The following WDR12 variants were observed in gnomAD, a reference collection of about 807,000 sequenced individuals.
WDR12 encodes ribosome biogenesis protein WDR12.
Under a neutral mutation model 64.3 loss-of-function variants are expected in WDR12, and 42 were observed. The observed-to-expected ratio is 0.65, with a 90% CI of 0.51 to 0.84. The LOEUF (loss-of-function observed/expected upper bound fraction) is 0.84. WDR12 is among the 40% of genes least tolerant of loss of function. The pLI, the probability that WDR12 is intolerant of heterozygous loss-of-function variation, is 0.00. For missense variants in WDR12, 469 were observed against 494.6 expected, an observed-to-expected ratio of 0.95 and a Z score of 0.49; for synonymous variants, 158 against 173.3, an observed-to-expected ratio of 0.91 and a Z score of 0.70.
chr2:202,882,398 A>G (rs879489439), intron 12 of WDR12, among the ~76,000 whole-genome samples: 16 of 151,892 alleles, frequency 1.1e-4, no homozygotes, highest in Admixed American at 5.3e-4. Flanking sequence ...GCTCGATCTC[A>G]GCTCACTGCA....
chr2:202,897,916 T>A (rs1688280404), intron 4 of WDR12, among the ~76,000 whole-genome samples: 4 of 123,012 alleles, frequency 3.3e-5, no homozygotes, highest in African/African-American at 8.3e-5. Flanking sequence ...AAAATATATA[T>A]ATATATATAA....
rs1028167254 is a variant in WDR12, at chr2:202,878,351, G to C, written c.*2509C>G. The C allele has an allele frequency of 6.6e-6, 1 of 152,116 alleles. No homozygotes were observed. The highest frequency in any genetic ancestry group is 1.5e-5 in the Non-Finnish European group (1 of 68,026). 9.4% of individuals were successfully genotyped at this position (152,116 alleles called of 1,614,324 possible). A position where few individuals can be genotyped will look rare whatever the true frequency, so the allele number is the denominator to read the frequency against. ...ATCATTTGAAGACCATCCAAAACAG[G>C]ACTAGGAATTCATCTTTGTCCTCTC... On this transcript the variant is annotated 3_prime_UTR_variant, in exon 13 of 13. Transcript: ENST00000261015.
rs961505991 is a variant in WDR12 at position 202,911,622 on chromosome 2, T to C, written c.-146A>G. 38 of 743,608 alleles carry C rather than the reference T, an allele frequency of 5.1e-5. No individual in the cohort carries two copies. The African/African-American group carries it at 5.7e-4, about 11-fold the overall frequency. 46.1% of individuals were successfully genotyped at this position (743,608 alleles called of 1,614,324 possible). ...GGAACTGCAGTCTAAGCCTGGACTC[T>C]GCCTTCTGCCCTCCGGTCTCCTCTG... On this transcript the variant is annotated 5_prime_UTR_variant, in exon 1 of 13. Coordinates refer to ENST00000261015, the MANE Select transcript of WDR12 (RefSeq NM_018256.4).
chr2:202,897,816 G>A (rs1351951447), intron 4 of WDR12, among the ~76,000 whole-genome samples: 2 of 144,282 alleles, frequency 1.4e-5, no homozygotes, highest in Admixed American at 7.2e-5. Context: ...GTGAACCCAG[G>A]AGGCAGAGCT....
rs952015305 is a variant in WDR12, at chr2:202,879,470, G to A, written c.*1390C>T. ...GAGTCTGGCTCTGCTGCCCAGGCTG[G>A]AGCACAGTGGTATGATCTCAGCTCA... is the stretch of plus-strand genomic sequence containing the variant. On this transcript the variant is annotated 3_prime_UTR_variant, in exon 13 of 13. Coordinates refer to ENST00000261015, the MANE Select transcript of WDR12 (RefSeq NM_018256.4). 2.0e-5 allele frequency: 3 copies of A among 151,886 alleles called. No homozygotes were observed. Among genetic ancestry groups the A allele is most frequent in the African/African-American group, 4.8e-5 (2 of 41,340 alleles). 9.4% of individuals were successfully genotyped at this position (151,886 alleles called of 1,614,324 possible). A position where few individuals can be genotyped will look rare whatever the true frequency, so the allele number is the denominator to read the frequency against.
intron 8 of WDR12, among the ~76,000 whole-genome samples, chr2:202,887,327 T>A (rs1688065511): frequency 6.6e-6 from 1 of 152,038 alleles, no homozygotes; most frequent in South Asian, 2.1e-4. Context: ...TGGCCCACAG[T>A]TGTTTTAATA....
Position 202,903,737 on chromosome 2 carries a change from G to T in WDR12, c.137-2618C>A, listed in dbSNP as rs72936826. Among the ~76,000 whole-genome samples, 1,056 of 152,138 alleles carry T rather than the reference G, an allele frequency of 6.9e-3. 4 individuals carry two copies. Among genetic ancestry groups the T allele is most frequent in the Middle Eastern group, 0.048 (14 of 294 alleles). Reference sequence around the variant, plus strand: ...TGCTAACAGCGAACAATCAGAAAAAGAAATCAAGAAAGTATTTCTACTTAC... The same window carrying T: ...TGCTAACAGCGAACAATCAGAAAAATAAATCAAGAAAGTATTTCTACTTAC... On this transcript the variant is annotated intron_variant, in intron 2 of 12. Coordinates refer to ENST00000261015, the MANE Select transcript of WDR12 (RefSeq NM_018256.4).
chr2:202,883,362 C>G (rs1687988943), intron 11 of WDR12: 1 of 373,848 alleles, frequency 2.7e-6, no homozygotes, highest in Non-Finnish European at 4.9e-6. Flanking sequence ...TCCTGAACAC[C>G]CAGCCTCAGG....
intron 8 of WDR12, among the ~76,000 whole-genome samples, chr2:202,888,106 G>A (rs528586847): frequency 1.3e-5 from 2 of 152,222 alleles, no homozygotes; most frequent in African/African-American, 4.8e-5. Context: ...AACCAACTGT[G>A]GCATATCCAT....
At position 202,884,264 on chromosome 2, in the gene WDR12, G is replaced by A; in HGVS notation, c.922C>T (p.Leu308Phe). 1.1e-5 allele frequency: 18 copies of A among 1,614,008 alleles called. No individual in the cohort carries two copies. The highest frequency in any genetic ancestry group is 1.5e-5 in the Non-Finnish European group (18 of 1,180,038). The change falls in exon 10 of 13, where the codon CTT becomes TTT. Residue 308 changes from leucine to phenylalanine, a missense_variant. Transcript: ENST00000261015. ...CTTCCAGATGCTAAACGTTTACAAA[G>A]TGGAGAATAGGAAATACAATTAAAC... ...KVFNCISYSP[L>F]CKRLASGSTD...
chr2:202,902,396 G>C (rs1317700883), intron 2 of WDR12, among the ~76,000 whole-genome samples: 1 of 152,174 alleles, frequency 6.6e-6, no homozygotes, highest in Non-Finnish European at 1.5e-5. Context: ...TTGTTCCTGG[G>C]TGTGTCTGTG....
intron 6 of WDR12, chr2:202,895,863 A>C (rs911245655): frequency 1.9e-6 from 1 of 527,826 alleles, no homozygotes; most frequent in African/African-American, 1.9e-5. Flanking sequence ...TGGAGTTTAT[A>C]TAAGGTTCTA....
chr2:202,895,372 T>C (rs183508657), intron 6 of WDR12, among the ~76,000 whole-genome samples: 53 of 152,328 alleles, frequency 3.5e-4, no homozygotes, highest in African/African-American at 1.2e-3. Flanking sequence ...GCACTAACTT[T>C]AGTGTATGCT....
intron 8 of WDR12, among the ~76,000 whole-genome samples, chr2:202,890,252 T>C (rs556609883): frequency 9.9e-5 from 15 of 151,850 alleles, no homozygotes; most frequent in Non-Finnish European, 1.8e-4. Flanking sequence ...TTGTGGCATA[T>C]TGATGCTGCA....
intron 12 of WDR12, among the ~76,000 whole-genome samples, 180 bp from the exon 13 acceptor site, chr2:202,881,117 G>C (rs1205271223): frequency 6.6e-6 from 1 of 152,178 alleles, no homozygotes; most frequent in East Asian, 1.9e-4. Context: ...CTATGATACA[G>C]TTTATTAAAA....
At position 202,911,532 on chromosome 2, in the gene WDR12, C is replaced by A; in HGVS notation, c.-56G>T. The A allele has an allele frequency of 6.5e-7, 1 of 1,529,824 alleles. No individual in the cohort carries two copies. The highest frequency in any genetic ancestry group is 2.2e-5 in the East Asian group (1 of 44,498). 94.8% of individuals were successfully genotyped at this position (1,529,824 alleles called of 1,614,324 possible). A position where few individuals can be genotyped will look rare whatever the true frequency, so the allele number is the denominator to read the frequency against. ...AACGTACGGGTTAGCAGACCCACAA[C>A]ACGAAGCTCCTGCCTTTTAAGACTA... On this transcript the variant is annotated 5_prime_UTR_variant, in exon 1 of 13. Transcript: ENST00000261015.
chr2:202,907,560 A>C (rs964543135), intron 2 of WDR12, among the ~76,000 whole-genome samples: 4 of 152,216 alleles, frequency 2.6e-5, no homozygotes, highest in African/African-American at 9.6e-5. Flanking sequence ...AGCCCTCTGT[A>C]GAACAATCAA....
chr2:202,889,842 G>A (rs1452471267), intron 8 of WDR12, among the ~76,000 whole-genome samples: 1 of 152,006 alleles, frequency 6.6e-6, no homozygotes, highest in East Asian at 1.9e-4. Context: ...TGTGAGCCCT[G>A]GAGGTTGAGG....
rs1347381134 is a variant in WDR12 at position 202,901,048 on chromosome 2, T to C, written c.208A>G (p.Met70Val). ...QFLRMPLDKH[M>V]EMENISSEEV... The stretch of plus-strand genomic sequence containing the variant: ...ACTGATGAGATGTTCTCCATTTCCA[T>C]GTGTTTGTCCAAGGGCATTCGCAGA... Residue 70 changes from methionine (M) to valine (V), a missense_variant, in exon 3 of 13, where the codon ATG becomes GTG. By Grantham distance (21) the Met-to-Val change is conservative. Transcript: ENST00000261015. 3.8e-6 allele frequency: 6 copies of C among 1,593,932 alleles called. No individual in the cohort carries two copies. The highest frequency in any genetic ancestry group is 3.4e-5 in the South Asian group (3 of 87,920).
Sources: allele counts gnomAD v4.1 joint callset (sites outside exome capture counted in the v4.1 genomes callset), GRCh38; gene constraint gnomAD v4.1.1; transcripts MANE v1.5; gene names NCBI Gene and HGNC (gene_info 2026-07-23, HGNC 2026-07-21).